The following CACNG7 variants were observed in gnomAD, a reference collection of about 807,000 sequenced individuals.
CACNG7 encodes the protein voltage-dependent calcium channel gamma-7 subunit.
Under a neutral mutation model 26.3 loss-of-function variants are expected in CACNG7, and 9 were observed. The observed-to-expected ratio is 0.34, with a 90% confidence interval of 0.21 to 0.60. The LOEUF is 0.60. Ranked by LOEUF, CACNG7 falls within the 20% of genes least tolerant of loss-of-function variation. CACNG7 has a pLI of 0.81. For synonymous variants in CACNG7, 170 were observed against 157.0 expected, an observed-to-expected ratio of 1.08 and a Z score of -0.62; for missense variants, 297 against 380.4, an observed-to-expected ratio of 0.78 and a Z score of 1.82.
At position 53,942,412 on chromosome 19, in the gene CACNG7, G is replaced by A; in HGVS notation, c.*119G>A. On this transcript the variant is annotated 3_prime_UTR_variant, in exon 6 of 6. Transcript: ENST00000391767. This position sits in a 1 kb window ranked among gnomAD's most constrained non-coding sequence, Gnocchi z 5.9. ...CTCGCTCCCACCCGGAGGAGGCTGC[G>A]CCAGCTTTAGGCCCCGCCCTCCTCC... 6.6e-7 allele frequency: 1 copy of A among 1,505,198 alleles called. No individual in the cohort carries two copies. Among genetic ancestry groups the A allele is most frequent in the East Asian group, 2.3e-5 (1 of 43,650 alleles). The allele number at this position is 1,505,198 out of a possible 1,614,324, so 93.2% of individuals were successfully genotyped here.
At chr19:53,927,845 A>G (rs112013815) in intron 4 of CACNG7, among the ~76,000 whole-genome samples, 4,941 of 145,882 alleles carry the variant, frequency 0.034, 277 homozygotes, top group African/African-American at 0.13. Context: ...TCTCAAAAAA[A>G]AAAAAAAAGG....
intron 4 of CACNG7, among the ~76,000 whole-genome samples, chr19:53,938,519 C>T (rs1462382405): frequency 6.6e-6 from 1 of 152,118 alleles, no homozygotes; most frequent in Non-Finnish European, 1.5e-5. Flanking sequence ...ATTGGCCACC[C>T]AGTCTCTCTT....
chr19:53,912,210 C>T lies in CACNG7; in HGVS notation c.-29-593C>T, dbSNP rs997561289. Among the ~76,000 whole-genome samples the T allele has an allele frequency of 7.2e-5, 11 of 152,098 alleles. No individual in the cohort carries two copies. The highest frequency in any genetic ancestry group is 2.4e-4 in the African/African-American group (10 of 41,410). On this transcript the variant is annotated intron_variant, in intron 1 of 5. Transcript: ENST00000391767. The surrounding 1 kb of genome is among the most constrained non-coding windows in gnomAD (Gnocchi z 4.6). ...TGAGGTTATTGATCCTTGTTGGAGTCTGGTGTTCACAACCGGGGGCTTCGA... is the reference window on the plus strand; with the variant it reads ...TGAGGTTATTGATCCTTGTTGGAGTTTGGTGTTCACAACCGGGGGCTTCGA...
chr19:53,927,517 T>A (rs1015649288), intron 4 of CACNG7, among the ~76,000 whole-genome samples: 3 of 152,048 alleles, frequency 2.0e-5, no homozygotes, highest in African/African-American at 7.2e-5. Flanking sequence ...GAGATGGGAT[T>A]CACAGCATGC....
chr19:53,933,074 G>A (rs2069083773), intron 4 of CACNG7, among the ~76,000 whole-genome samples: 2 of 151,850 alleles, frequency 1.3e-5, no homozygotes, highest in Non-Finnish European at 2.9e-5. Context: ...CCAAAGTGCT[G>A]GGATTACAGC....
intron 4 of CACNG7, among the ~76,000 whole-genome samples, chr19:53,929,814 C>G (rs1462668974): frequency 6.6e-6 from 1 of 151,976 alleles, no homozygotes; most frequent in Non-Finnish European, 1.5e-5. Context: ...AAGTTCAGAG[C>G]AAGGGAAAAG....
At position 53,936,861 on chromosome 19, in the gene CACNG7, G is replaced by A. The variant is rs542843444; in HGVS notation, c.425-4609G>A. 1.6e-4 allele frequency among the ~76,000 whole-genome samples: 25 copies of A among 152,098 alleles called. 1 individual carries two copies. The South Asian group carries it at 5.2e-3, about 32-fold the overall frequency. On this transcript the variant is annotated intron_variant, in intron 4 of 5. Coordinates refer to ENST00000391767, the MANE Select transcript of CACNG7 (RefSeq NM_031896.5). ...TGACCTTAAGTGATCTGCCCACCTT[G>A]GCCTCCCAAAATGCAGAGATTATAG...
chr19:53,938,809 G>A (rs1190741786), intron 4 of CACNG7, among the ~76,000 whole-genome samples: 1 of 151,684 alleles, frequency 6.6e-6, no homozygotes, highest in African/African-American at 2.4e-5. Context: ...TTAGCCGGGC[G>A]TGGTGGTGTG....
chr19:53,925,749 C>G lies in CACNG7; in HGVS notation c.424+10244C>G, dbSNP rs74489232. ...TGGGGATGGACTAGAGGGAAAGAGA[C>G]TGGAAATGTACAAACTGAGGATGCT... On this transcript the variant is annotated intron_variant, in intron 4 of 5. Transcript: ENST00000391767. Among the ~76,000 whole-genome samples the G allele has an allele frequency of 9.9e-3, 1,507 of 152,316 alleles. 26 individuals are homozygous for G. Among genetic ancestry groups the G allele is most frequent in the African/African-American group, 0.034 (1,398 of 41,568 alleles).
At position 53,922,930 on chromosome 19, in the gene CACNG7, T is replaced by TCCCAGGTCTGGTCATTGGTGGAGTTGC. The variant is rs1568775774; in HGVS notation, c.424+7452_424+7478dup. 4.4e-5 allele frequency among the ~76,000 whole-genome samples: 3 copies of TCCCAGGTCTGGTCATTGGTGGAGTTGC among 68,672 alleles called. 1 individual carries two copies. Among genetic ancestry groups the TCCCAGGTCTGGTCATTGGTGGAGTTGC allele is most frequent in the Non-Finnish European group, 7.2e-5 (3 of 41,586 alleles). 45.1% of individuals were successfully genotyped at this position (68,672 alleles called of 152,430 possible). On this transcript the variant is annotated intron_variant, in intron 4 of 5. Coordinates refer to ENST00000391767, the MANE Select transcript of CACNG7 (RefSeq NM_031896.5). ...CCAGGCCTGGTCATTGGTGGAGTTG[T>TCCCAGGTCTGGTCATTGGTGGAGTTGC]CCCAGGTCTGGTCATTGGTGGAGTT... is the stretch of plus-strand genomic sequence containing the variant.
intron 5 of CACNG7, 39 bp downstream of exon 5, chr19:53,941,654 GA>G: frequency 6.3e-7 from 1 of 1,594,372 alleles, no homozygotes; most frequent in Non-Finnish European, 8.5e-7. Context: ...GTTCTGAATG[GA>G]GAGAGGTCTT....
chr19:53,942,180 C>G lies in CACNG7; in HGVS notation c.715C>G (p.Arg239Gly). 1.9e-6 allele frequency: 3 copies of G among 1,614,056 alleles called. No homozygotes were observed. The highest frequency in any genetic ancestry group is 2.5e-6 in the Non-Finnish European group (3 of 1,179,960). The part of the protein sequence containing the change: ...GQFLQPEAWR[R>G]GRSPSDISSD... ...GTTCCTGCAGCCCGAGGCGTGGCGC[C>G]GCGGCCGGAGCCCCTCCGACATCTC... Residue 239 changes from arginine to glycine, a missense_variant, in exon 6 of 6, where the codon CGC becomes GGC. Coordinates refer to ENST00000391767, the MANE Select transcript of CACNG7 (RefSeq NM_031896.5). The surrounding 1 kb of genome is among the most constrained non-coding windows in gnomAD (Gnocchi z 5.9).
Position 53,942,260 on chromosome 19 carries a change from G to C in CACNG7, c.795G>C (p.Pro265=), listed in dbSNP as rs781713330. Residue 265 remains proline, a synonymous_variant, in exon 6 of 6, where the codon CCG becomes CCC. Coordinates refer to ENST00000391767, the MANE Select transcript of CACNG7 (RefSeq NM_031896.5). This position sits in a 1 kb window ranked among gnomAD's most constrained non-coding sequence, Gnocchi z 5.9. ...ACTACCCTCCCGCCATCAAGTACCC[G>C]GACCACCTGCACATCTCCACCTCGC... is the stretch of plus-strand genomic sequence containing the variant. ...TQNYPPAIKY[P]DHLHISTSPC is the part of the protein sequence containing the mutation. 9 of 1,613,218 alleles carry C rather than the reference G, an allele frequency of 5.6e-6. No homozygotes were observed. The highest frequency in any genetic ancestry group is 7.6e-6 in the Non-Finnish European group (9 of 1,179,782).
intron 4 of CACNG7, among the ~76,000 whole-genome samples, chr19:53,922,450 C>G (rs1011434432): frequency 8.4e-6 from 1 of 118,544 alleles, no homozygotes; most frequent in Admixed American, 7.7e-5. Flanking sequence ...TGGAGTTGTC[C>G]CAGGCTGGTC....
chr19:53,940,087 G>A lies in CACNG7; in HGVS notation c.425-1383G>A, dbSNP rs376616657. Among the ~76,000 whole-genome samples the A allele has an allele frequency of 7.9e-5, 12 of 152,136 alleles. No homozygotes were observed. Among genetic ancestry groups the A allele is most frequent in the African/African-American group, 2.9e-4 (12 of 41,418 alleles). On this transcript the variant is annotated intron_variant, in intron 4 of 5. Coordinates refer to ENST00000391767, the MANE Select transcript of CACNG7 (RefSeq NM_031896.5). This position sits in a 1 kb window ranked among gnomAD's most constrained non-coding sequence, Gnocchi z 4.1. ...AGGATTCTAGGGGAAGAGGTTGATA[G>A]GGATTAGTTAGATACATTTAAGGCA...
At chr19:53,916,364 TAG>T (rs946818458) in intron 4 of CACNG7, among the ~76,000 whole-genome samples, 3 of 70,056 alleles carry the variant, frequency 4.3e-5, no homozygotes, top group Non-Finnish European at 6.7e-5. Flanking sequence ...CAGAATTGCA[TAG>T]AGAGTTGCCC....
chr19:53,922,899 GT>G (rs1329629657), intron 4 of CACNG7, among the ~76,000 whole-genome samples: 6 of 82,566 alleles, frequency 7.3e-5, no homozygotes, highest in Admixed American at 5.9e-4. Flanking sequence ...CATTGGTGGA[GT>G]TGCCCCAGGC....
At position 53,924,860 on chromosome 19, in the gene CACNG7, G is replaced by T. The variant is rs2069011244; in HGVS notation, c.424+9355G>T. ...AGTTGCCCCAGGTCTGGTCATTGGT[G>T]GACTTGCCCCAGGCTGGTCATTGGT... On this transcript the variant is annotated intron_variant, in intron 4 of 5. Coordinates refer to ENST00000391767, the MANE Select transcript of CACNG7 (RefSeq NM_031896.5). 1.4e-5 allele frequency among the ~76,000 whole-genome samples: 2 copies of T among 146,544 alleles called. 1 individual carries two copies. Among genetic ancestry groups the T allele is most frequent in the South Asian group, 4.4e-4 (2 of 4,498 alleles).
In CACNG7 at chr19:53,942,428, G is replaced by A; in HGVS notation, c.*135G>A. ...GGAGGCTGCGCCAGCTTTAGGCCCC[G>A]CCCTCCTCCCAATGGCTCCGCCCAC... On this transcript the variant is annotated 3_prime_UTR_variant, in exon 6 of 6. Transcript: ENST00000391767. This position sits in a 1 kb window ranked among gnomAD's most constrained non-coding sequence, Gnocchi z 5.9. 6.7e-7 allele frequency: 1 copy of A among 1,495,062 alleles called. No individual in the cohort carries two copies. Among genetic ancestry groups the A allele is most frequent in the East Asian group, 2.3e-5 (1 of 43,484 alleles). The allele number at this position is 1,495,062 out of a possible 1,614,324, so 92.6% of individuals were successfully genotyped here.
Sources: gnomAD v4.1 joint callset for allele counts (sites outside exome capture counted in the v4.1 genomes callset) on GRCh38, gnomAD v4.1.1 for gene constraint, Gnocchi (gnomAD v3.1) non-coding constraint, MANE v1.5 for transcripts, NCBI Gene and HGNC (gene_info 2026-07-23, HGNC 2026-07-21) for gene names.